SRCIN1: variants seen among roughly 807,000 people sequenced by gnomAD.
SRCIN1 encodes the protein P130Cas-associated protein.
In SRCIN1, 50 loss-of-function variants were observed where a neutral mutation model predicts 116.2. That is an observed-to-expected ratio of 0.43 (90% confidence interval 0.34 to 0.54). The LOEUF is 0.54. Ranked by LOEUF, SRCIN1 falls within the 20% of genes least tolerant of loss-of-function variation. The pLI is 0.02. For missense variants in SRCIN1, 1,446 were observed against 1,672.0 expected, an observed-to-expected ratio of 0.86 and a Z score of 2.36; for synonymous variants, 736 against 750.0, an observed-to-expected ratio of 0.98 and a Z score of 0.30.
At chr17:38,547,905 G>A (rs1905163831) in intron 17 of SRCIN1, 1 of 170,076 alleles carries the variant, frequency 5.9e-6, no homozygotes, top group Non-Finnish European at 1.3e-5. Flanking sequence ...GGTGGGGGCA[G>A]GTTTGGAGGA....
At chr17:38,573,451 GA>G (rs1229996534) in intron 2 of SRCIN1, among the ~76,000 whole-genome samples, 2 of 152,224 alleles carry the variant, frequency 1.3e-5, no homozygotes, top group African/African-American at 4.8e-5. Context: ...ATCAAGTGAT[GA>G]AAAGATCCTA....
chr17:38,571,515 G>A (rs1046756235), intron 2 of SRCIN1, among the ~76,000 whole-genome samples: 11 of 152,182 alleles, frequency 7.2e-5, no homozygotes, highest in Admixed American at 5.9e-4. Context: ...CAGAGGGCAG[G>A]AAGGGCCAGG....
chr17:38,539,600 G>C lies in SRCIN1; in HGVS notation c.3417+4223C>G, dbSNP rs1005428741. Among the ~76,000 whole-genome samples, 7 of 152,236 alleles carry C rather than the reference G, an allele frequency of 4.6e-5. No homozygotes were observed. The South Asian group carries it at 1.5e-3, about 32-fold the overall frequency. On this transcript the variant is annotated intron_variant, in intron 18 of 18. Transcript: ENST00000617146. ...TCCACAGCACAGCTCTGCTGCTCCC[G>C]CCCTCCGGGACTCGCTAAACACCTG... is the stretch of plus-strand genomic sequence containing the variant.
intron 1 of SRCIN1, among the ~76,000 whole-genome samples, chr17:38,581,172 C>T (rs927408033): frequency 2.0e-5 from 3 of 151,966 alleles, no homozygotes; most frequent in African/African-American, 4.8e-5. Context: ...TTTGGGAGGC[C>T]GAGGCAGGTG....
chr17:38,575,836 T>C (rs1232795282), intron 2 of SRCIN1, among the ~76,000 whole-genome samples: 1 of 152,168 alleles, frequency 6.6e-6, no homozygotes, highest in Non-Finnish European at 1.5e-5. Flanking sequence ...CGTGGCCTTC[T>C]TTCCCCTTGG....
Position 38,559,659 on chromosome 17 carries a change from G to C in SRCIN1, c.1951C>G (p.Gln651Glu). 6.2e-7 allele frequency: 1 copy of C among 1,602,220 alleles called. No homozygotes were observed. ...TTCTGCAGGCCTCGCAGGTGAAGCT[G>C]CATCTGCAGCCGGCTAACGGCGGTA... ...QPTAVSRLQM[Q>E]LHLRGLQNSA... Residue 651 changes from glutamine (Q) to glutamate (E), a missense_variant, in exon 10 of 19, where the codon CAG becomes GAG. Gln to Glu is a conservative substitution (Grantham distance 29, BLOSUM62 2). Transcript: ENST00000617146.
intron 18 of SRCIN1, among the ~76,000 whole-genome samples, chr17:38,535,796 A>C (rs1009309908): frequency 6.6e-6 from 1 of 152,140 alleles, no homozygotes; most frequent in Non-Finnish European, 1.5e-5. Flanking sequence ...GTGAGAGGGA[A>C]GCACTGCCCA....
chr17:38,592,560 C>A (rs1160343242), intron 1 of SRCIN1, among the ~76,000 whole-genome samples: 3 of 152,194 alleles, frequency 2.0e-5, no homozygotes, highest in South Asian at 2.1e-4. Context: ...TATGTGTGAC[C>A]TTGAACAAAT....
chr17:38,548,002 C>T (rs1905170332), intron 17 of SRCIN1: 1 of 196,894 alleles, frequency 5.1e-6, no homozygotes, highest in Non-Finnish European at 1.1e-5. Context: ...CCCCCAGCCT[C>T]ACCCCTTGGT....
At chr17:38,605,073 G>A (rs1009191288) in intron 1 of SRCIN1, among the ~76,000 whole-genome samples, 2 of 152,032 alleles carry the variant, frequency 1.3e-5, no homozygotes, top group Non-Finnish European at 2.9e-5. Context: ...TGCGGGGAGG[G>A]GGGGTGTGTG....
At chr17:38,595,179 C>A (rs1908657032) in intron 1 of SRCIN1, among the ~76,000 whole-genome samples, 1 of 152,184 alleles carries the variant, frequency 6.6e-6, no homozygotes, top group East Asian at 1.9e-4. Flanking sequence ...CTGAGCCTAG[C>A]CCAGTGCCTG....
Position 38,604,403 on chromosome 17 carries a change from C to T in SRCIN1, c.22+1281G>A. ...TCCTTAAAGTTGGGGTGCTGCAGGA[C>T]CTCCTTGTCCCACAACATTTGAGGA... On this transcript the variant is annotated intron_variant, in intron 1 of 18. Transcript: ENST00000617146. The surrounding 1 kb of genome is among the most constrained non-coding windows in gnomAD (Gnocchi z 4.3). 5.5e-6 allele frequency: 2 copies of T among 366,890 alleles called. No homozygotes were observed. The highest frequency in any genetic ancestry group is 3.9e-5 in the South Asian group (2 of 50,824). 22.7% of individuals were successfully genotyped at this position (366,890 alleles called of 1,614,324 possible). A position where few individuals can be genotyped will look rare whatever the true frequency, so the allele number is the denominator to read the frequency against.
intron 1 of SRCIN1, among the ~76,000 whole-genome samples, chr17:38,586,581 A>G (rs1400322020): frequency 6.6e-6 from 1 of 152,186 alleles, no homozygotes; most frequent in East Asian, 1.9e-4. Context: ...ACTGTGGCCT[A>G]TGACCCTGTG....
chr17:38,565,288 A>T (rs1906608974), intron 3 of SRCIN1, among the ~76,000 whole-genome samples: 1 of 152,250 alleles, frequency 6.6e-6, no homozygotes, highest in Admixed American at 6.5e-5. Context: ...TGTTGTACAG[A>T]AGCTGGTACA....
chr17:38,582,819 G>T (rs1266760917), intron 1 of SRCIN1, among the ~76,000 whole-genome samples: 1 of 152,206 alleles, frequency 6.6e-6, no homozygotes, highest in Non-Finnish European at 1.5e-5. Context: ...ACTTTGTACA[G>T]ATTTAACTTC....
chr17:38,535,098 C>G (rs1057301240), intron 18 of SRCIN1, among the ~76,000 whole-genome samples: 1 of 152,016 alleles, frequency 6.6e-6, no homozygotes, highest in Non-Finnish European at 1.5e-5. Context: ...CACCACTGCA[C>G]TCCAGCCTGG....
chr17:38,553,411 GC>G (rs1207406864), intron 11 of SRCIN1, among the ~76,000 whole-genome samples: 1 of 152,190 alleles, frequency 6.6e-6, no homozygotes, highest in African/African-American at 2.4e-5. Flanking sequence ...AGCAATATCT[GC>G]CCGAGTATCT....
rs1906495598 is a variant in SRCIN1 at position 38,564,139 on chromosome 17, G to C, written c.520C>G (p.Gln174Glu). Reference protein sequence around the residue: ...QSLPLSRSASQTKLRSPGVLF... With the variant: ...QSLPLSRSASETKLRSPGVLF... ...GTACCTGGGGAGCGCAGCTTGGTCT[G>C]GCTGGCCGAGCGGGAGAGAGGCAGG... The change falls in exon 4 of 19, where the codon CAG becomes GAG. Residue 174 changes from glutamine (Q) to glutamate (E), a missense_variant. Physicochemically the swap from Gln to Glu is conservative, Grantham distance 29. Coordinates refer to ENST00000617146, the MANE Select transcript of SRCIN1 (RefSeq NM_025248.3). The C allele has an allele frequency of 1.2e-6, 2 of 1,600,460 alleles. No homozygotes were observed.
At chr17:38,547,844 G>T (rs567424673) in intron 17 of SRCIN1, 3 of 210,810 alleles carry the variant, frequency 1.4e-5, no homozygotes, top group Middle Eastern at 1.2e-3. Flanking sequence ...GCGGCGGGGC[G>T]TGGGGGGGAG....
Sources: allele counts gnomAD v4.1 joint callset (sites outside exome capture counted in the v4.1 genomes callset), GRCh38; gene constraint gnomAD v4.1.1; non-coding constraint Gnocchi (gnomAD v3.1); transcripts MANE v1.5; gene names NCBI Gene and HGNC (gene_info 2026-07-23, HGNC 2026-07-21).